SYNPO2: variants seen among roughly 807,000 people sequenced by gnomAD.
SYNPO2 encodes the protein synaptopodin-2.
In SYNPO2, 56 loss-of-function variants were observed where a neutral mutation model predicts 85.0. The observed-to-expected ratio is 0.66, with a 90% CI of 0.53 to 0.82. The LOEUF (loss-of-function observed/expected upper bound fraction) is 0.82. Ranked by LOEUF, SYNPO2 falls within the 40% of genes least tolerant of loss-of-function variation. The pLI, the probability that SYNPO2 is intolerant of heterozygous loss-of-function variation, is 0.00. For missense variants in SYNPO2, 1,575 were observed against 1,534.2 expected (o/e 1.03, Z -0.44); for synonymous variants, 602 against 591.1 (o/e 1.02, Z -0.27).
intron 1 of SYNPO2, among the ~76,000 whole-genome samples, chr4:118,945,838 C>T (rs1214745602): frequency 2.0e-5 from 3 of 151,972 alleles, no homozygotes; most frequent in East Asian, 1.9e-4. Flanking sequence ...CTCTGCCTCC[C>T]GGATTCAAGC....
intron 1 of SYNPO2, among the ~76,000 whole-genome samples, chr4:118,900,691 C>CTA (rs1732705027): frequency 5.8e-5 from 3 of 51,500 alleles, no homozygotes; most frequent in South Asian, 1.5e-3. Flanking sequence ...CTCTCTCTCT[C>CTA]TCTCTCTCTC....
At chr4:118,919,503 C>G (rs1001851789) in intron 1 of SYNPO2, among the ~76,000 whole-genome samples, 3 of 152,100 alleles carry the variant, frequency 2.0e-5, no homozygotes, top group Non-Finnish European at 4.4e-5. Flanking sequence ...TCAAACTGGG[C>G]TCTAGGGATG....
chr4:118,947,917 A>G (rs570563611), intron 1 of SYNPO2, among the ~76,000 whole-genome samples: 177 of 152,234 alleles, frequency 1.2e-3, no homozygotes, highest in African/African-American at 3.9e-3. Context: ...TGTCCAAATG[A>G]CTCTCATTGC....
intron 1 of SYNPO2, among the ~76,000 whole-genome samples, chr4:119,000,878 A>G (rs1225065263): frequency 6.6e-6 from 1 of 152,182 alleles, no homozygotes; most frequent in Non-Finnish European, 1.5e-5. Context: ...CTCTCTCGCA[A>G]CATCTGCTGA....
chr4:119,055,696 A>T (rs1739186093), intron 4 of SYNPO2, among the ~76,000 whole-genome samples: 2 of 152,206 alleles, frequency 1.3e-5, no homozygotes, highest in Non-Finnish European at 2.9e-5. Flanking sequence ...GATTCCCCAC[A>T]CCTCACCCAA....
intron 1 of SYNPO2, among the ~76,000 whole-genome samples, chr4:118,862,504 A>G (rs2110566383): frequency 6.6e-6 from 1 of 152,294 alleles, no homozygotes; most frequent in South Asian, 2.1e-4. Context: ...CATACCTCCT[A>G]TCCCCAGTTT....
chr4:118,868,793 T>A (rs1317313798), intron 1 of SYNPO2, among the ~76,000 whole-genome samples: 2 of 152,194 alleles, frequency 1.3e-5, no homozygotes, highest in African/African-American at 4.8e-5. Context: ...AAGGCCAGAT[T>A]TGTCAAAGTG....
chr4:118,887,730 C>T (rs1468370539), upstream of SYNPO2, among the ~76,000 whole-genome samples: 2 of 152,050 alleles, frequency 1.3e-5, no homozygotes, highest in Admixed American at 6.5e-5. Flanking sequence ...ATCAATTAGT[C>T]GATGGTAAAA....
chr4:118,900,332 C>T (rs1278397102), intron 1 of SYNPO2, among the ~76,000 whole-genome samples: 6 of 152,046 alleles, frequency 3.9e-5, no homozygotes, highest in East Asian at 1.9e-4. Flanking sequence ...TCACAGAAAA[C>T]GTCAACAAAT....
chr4:118,873,006 T>G (rs994200823), intron 1 of SYNPO2, among the ~76,000 whole-genome samples: 1 of 152,168 alleles, frequency 6.6e-6, no homozygotes, highest in Non-Finnish European at 1.5e-5. Flanking sequence ...TAATTTCACT[T>G]GTTTTTTTAT....
At chr4:118,993,218 T>TTG (rs1212492858) in intron 1 of SYNPO2, among the ~76,000 whole-genome samples, 1 of 152,136 alleles carries the variant, frequency 6.6e-6, no homozygotes. Flanking sequence ...AAATGTGTAT[T>TTG]TGTGTGTGTT....
At chr4:119,044,413 T>C (rs1050281375) in intron 4 of SYNPO2, among the ~76,000 whole-genome samples, 10 of 152,198 alleles carry the variant, frequency 6.6e-5, no homozygotes, top group Admixed American at 1.3e-4. Context: ...AACTTATCAC[T>C]TGGACCAGAG....
chr4:118,983,910 C>T (rs531409982), intron 1 of SYNPO2, among the ~76,000 whole-genome samples: 2 of 152,334 alleles, frequency 1.3e-5, no homozygotes, highest in African/African-American at 4.8e-5. Flanking sequence ...AACTGAGTTC[C>T]CCTCCTTACC....
At chr4:119,052,807 C>T (rs897718866) in intron 4 of SYNPO2, among the ~76,000 whole-genome samples, 2 of 152,148 alleles carry the variant, frequency 1.3e-5, no homozygotes, top group African/African-American at 4.8e-5. Flanking sequence ...TGAACTCTTC[C>T]TAAAAGTAAG....
chr4:118,927,735 G>GATGATAGATAGATAT (rs1733769500), intron 1 of SYNPO2, among the ~76,000 whole-genome samples: 3 of 55,026 alleles, frequency 5.5e-5, no homozygotes, highest in African/African-American at 1.3e-4. Flanking sequence ...TAGATAGATA[G>GATGATAGATAGATAT]ATAGATAGAT....
intron 1 of SYNPO2, among the ~76,000 whole-genome samples, chr4:118,880,517 A>C (rs1732064186): frequency 6.6e-6 from 1 of 152,192 alleles, no homozygotes; most frequent in Non-Finnish European, 1.5e-5. Flanking sequence ...TGGGAGGCTG[A>C]GGCAGTTGGA....
intron 1 of SYNPO2, among the ~76,000 whole-genome samples, chr4:118,955,919 A>C (rs892266842): frequency 6.6e-6 from 1 of 152,202 alleles, no homozygotes; most frequent in South Asian, 2.1e-4. Context: ...AAGTTGGTGC[A>C]TTTTTCAAGA....
At chr4:119,007,327 A>C (rs56029825) in intron 1 of SYNPO2, among the ~76,000 whole-genome samples, 21 of 119,534 alleles carry the variant, frequency 1.8e-4, no homozygotes, top group East Asian at 1.2e-3. Context: ...GGCATACTCT[A>C]TTTTACCACT....
intron 1 of SYNPO2, among the ~76,000 whole-genome samples, chr4:118,989,194 C>T (rs1736323598): frequency 6.6e-6 from 1 of 152,208 alleles, no homozygotes; most frequent in African/African-American, 2.4e-5. Flanking sequence ...TAGCCTGCTG[C>T]CCTTGCCAGA....
Sources: allele counts gnomAD v4.1 joint callset (sites outside exome capture counted in the v4.1 genomes callset), GRCh38; gene constraint gnomAD v4.1.1; transcripts MANE v1.5; gene names NCBI Gene and HGNC (gene_info 2026-07-23, HGNC 2026-07-21).